The following GUCY1A2 variants were observed in gnomAD, a reference collection of about 807,000 sequenced individuals.
GUCY1A2 encodes guanylate cyclase soluble subunit alpha-2.
A neutral mutation model predicts 63.5 loss-of-function variants in GUCY1A2; 27 were observed. That is an observed-to-expected ratio of 0.43 (90% CI 0.31 to 0.59). GUCY1A2 has a LOEUF of 0.59. GUCY1A2 is among the 20% of genes least tolerant of loss of function. GUCY1A2 has a pLI of 0.11. For missense variants in GUCY1A2, 768 were observed against 913.3 expected, an observed-to-expected ratio of 0.84 and a Z score of 2.05; for synonymous variants, 364 against 343.5, an observed-to-expected ratio of 1.06 and a Z score of -0.66.
chr11:106,754,810 C>G (rs1863944589), intron 6 of GUCY1A2, among the ~76,000 whole-genome samples: 1 of 152,024 alleles, frequency 6.6e-6, no homozygotes, highest in Non-Finnish European at 1.5e-5. Context: ...ATTGGCCTAA[C>G]ATTCTCTTTT....
chr11:106,827,136 A>G, intron 4 of GUCY1A2: 1 of 1,480,112 alleles, frequency 6.8e-7, no homozygotes, highest in East Asian at 2.3e-5. Context: ...GGTGAATCTT[A>G]TGAGAAAACT....
chr11:107,009,430 A>G (rs1201554607), intron 1 of GUCY1A2, among the ~76,000 whole-genome samples: 1 of 152,204 alleles, frequency 6.6e-6, no homozygotes, highest in Non-Finnish European at 1.5e-5. Context: ...TGCTGGTGAT[A>G]ATGTCAAATT....
chr11:106,971,672 T>TA (rs1327119566), intron 3 of GUCY1A2, among the ~76,000 whole-genome samples: 1 of 152,086 alleles, frequency 6.6e-6, no homozygotes, highest in African/African-American at 2.4e-5. Context: ...TGAATACATA[T>TA]AAAAATGTTT....
chr11:106,777,125 T>C (rs1172920871), intron 5 of GUCY1A2, among the ~76,000 whole-genome samples: 1 of 152,148 alleles, frequency 6.6e-6, no homozygotes. Flanking sequence ...GTACATTGTC[T>C]CATTTTATCT....
chr11:106,955,898 CT>C (rs1278097567), intron 3 of GUCY1A2, among the ~76,000 whole-genome samples: 1 of 152,072 alleles, frequency 6.6e-6, no homozygotes, highest in Non-Finnish European at 1.5e-5. Context: ...TGTTTTCCAG[CT>C]TGTTTCCATT....
chr11:106,919,050 C>T (rs1327917465), intron 4 of GUCY1A2, among the ~76,000 whole-genome samples: 1 of 152,006 alleles, frequency 6.6e-6, no homozygotes, highest in Non-Finnish European at 1.5e-5. Flanking sequence ...ATATGCAAAA[C>T]ATTTTAGAAG....
In GUCY1A2 at chr11:106,978,698, T is replaced by A; in HGVS notation, c.408A>T (p.Arg136Ser). ...AEKNFHNISN[R>S]CSYADHSNKE... The stretch of plus-strand genomic sequence containing the variant: ...TGTTGGAGTGGTCTGCATAGGAGCA[T>A]CTGTTAGAGATATTGTGGAAATTCT... The change falls in exon 3 of 8, where the codon AGA (arginine) becomes AGT (serine). Residue 136 changes from arginine to serine, a missense_variant. This residue lies in a region of GUCY1A2 where 496 missense variants were observed against 486.9 expected (regional missense o/e 1.02). Transcript: ENST00000526355. 2 of 1,591,742 alleles carry A rather than the reference T, an allele frequency of 1.3e-6. No homozygotes were observed. The highest frequency in any genetic ancestry group is 1.7e-6 in the Non-Finnish European group (2 of 1,160,896).
At chr11:106,720,167 G>A (rs1863290240) in intron 6 of GUCY1A2, among the ~76,000 whole-genome samples, 1 of 152,234 alleles carries the variant, frequency 6.6e-6, no homozygotes, top group African/African-American at 2.4e-5. Flanking sequence ...GTGTAAGACA[G>A]AAGTTTCCTT....
chr11:106,720,857 T>C (rs1207517656), intron 6 of GUCY1A2, among the ~76,000 whole-genome samples: 1 of 152,176 alleles, frequency 6.6e-6, no homozygotes, highest in Non-Finnish European at 1.5e-5. Flanking sequence ...TTGTAGACTT[T>C]AGCTAATAAT....
At chr11:106,975,697 C>T (rs1037580630) in intron 3 of GUCY1A2, among the ~76,000 whole-genome samples, 6 of 152,228 alleles carry the variant, frequency 3.9e-5, no homozygotes, top group East Asian at 3.9e-4. Context: ...TCTAAACCAA[C>T]GAAAGGGAAA....
chr11:106,689,128 A>AT (rs1862577706), intron 7 of GUCY1A2, among the ~76,000 whole-genome samples: 1 of 152,248 alleles, frequency 6.6e-6, no homozygotes, highest in Non-Finnish European at 1.5e-5. Context: ...GTGTGAACAG[A>AT]TAAGAACATT....
chr11:106,732,449 G>A (rs1863521748), intron 6 of GUCY1A2, among the ~76,000 whole-genome samples: 1 of 151,970 alleles, frequency 6.6e-6, no homozygotes, highest in South Asian at 2.1e-4. Flanking sequence ...AAGACATTTA[G>A]CCTCATTTAT....
chr11:106,806,082 C>T (rs116089212), intron 5 of GUCY1A2, among the ~76,000 whole-genome samples: 3,892 of 151,636 alleles, frequency 0.026, 164 homozygotes, highest in African/African-American at 0.088. Context: ...TGTATATATA[C>T]ACACACACAC....
At chr11:106,826,203 T>C (rs904264552) in intron 4 of GUCY1A2, among the ~76,000 whole-genome samples, 9 of 152,224 alleles carry the variant, frequency 5.9e-5, no homozygotes, top group African/African-American at 2.2e-4. Flanking sequence ...GAAAGATATA[T>C]CTATAAATAA....
chr11:106,820,951 TTTC>T (rs1858894083), intron 4 of GUCY1A2, among the ~76,000 whole-genome samples: 1 of 152,226 alleles, frequency 6.6e-6, no homozygotes, highest in African/African-American at 2.4e-5. Flanking sequence ...GCTTTTTTAT[TTTC>T]TTGTGTGTTT....
At chr11:106,713,453 T>C (rs1391098953) in intron 6 of GUCY1A2, among the ~76,000 whole-genome samples, 2 of 151,130 alleles carry the variant, frequency 1.3e-5, no homozygotes, top group Admixed American at 6.6e-5. Flanking sequence ...GTAAAGCACC[T>C]TTCTCTAAAA....
At chr11:107,000,346 T>C (rs1565355874) in intron 1 of GUCY1A2, among the ~76,000 whole-genome samples, 1 of 152,194 alleles carries the variant, frequency 6.6e-6, no homozygotes, top group Non-Finnish European at 1.5e-5. Context: ...CTCATATCTG[T>C]CTGAAGCTTC....
chr11:106,807,266 A>G (rs2135422523), intron 5 of GUCY1A2, among the ~76,000 whole-genome samples: 1 of 152,330 alleles, frequency 6.6e-6, no homozygotes, highest in East Asian at 1.9e-4. Context: ...TAGCCATTAA[A>G]AATCTGGCAA....
At chr11:106,705,052 T>C (rs900004763) in intron 7 of GUCY1A2, among the ~76,000 whole-genome samples, 12 of 151,874 alleles carry the variant, frequency 7.9e-5, no homozygotes, top group Non-Finnish European at 1.3e-4. Context: ...AATGTCTAAT[T>C]TGGAAAACTT....
Sources: gnomAD v4.1 joint callset for allele counts (sites outside exome capture counted in the v4.1 genomes callset) on GRCh38, gnomAD v4.1.1 for gene constraint, gnomAD v4.1.1 regional missense constraint, MANE v1.5 for transcripts, NCBI Gene and HGNC (gene_info 2026-07-23, HGNC 2026-07-21) for gene names.